The following DIS3L2 variants were observed in gnomAD, a reference collection of about 807,000 sequenced individuals.
The protein encoded by DIS3L2 is DIS3-like exonuclease 2.
DIS3L2 carries 34 observed loss-of-function variants against 97.5 expected under a neutral mutation model. That is an observed-to-expected ratio of 0.35 (90% confidence interval 0.27 to 0.46). The LOEUF (loss-of-function observed/expected upper bound fraction) is 0.46, where lower values mean the gene tolerates loss of function less well. DIS3L2 is among the 20% of genes least tolerant of loss of function. DIS3L2 has a pLI of 1.00. For missense variants in DIS3L2, 1,038 were observed against 1,146.0 expected (o/e 0.91, Z 1.36); for synonymous variants, 435 against 445.2 (o/e 0.98, Z 0.29).
intron 17 of DIS3L2, 96 bp from the exon 18 acceptor site, chr2:232,334,273 G>T: frequency 6.9e-7 from 1 of 1,447,934 alleles, no homozygotes; most frequent in African/African-American, 1.4e-5. Flanking sequence ...GTCCTAATCT[G>T]TCGGCGGGGG....
chr2:232,164,969 T>C (rs1690762178), intron 9 of DIS3L2, among the ~76,000 whole-genome samples: 1 of 152,230 alleles, frequency 6.6e-6, no homozygotes, highest in South Asian at 2.1e-4. Flanking sequence ...AATGCTAGAA[T>C]AAATGGTTGA....
chr2:232,073,828 C>T (rs930648114), intron 5 of DIS3L2, among the ~76,000 whole-genome samples: 2 of 152,098 alleles, frequency 1.3e-5, no homozygotes, highest in Non-Finnish European at 2.9e-5. Context: ...TTGAAGTGAC[C>T]AGTTTCTTCT....
chr2:232,077,994 TTTCTTTCTTTC>T (rs1696260546), intron 5 of DIS3L2, among the ~76,000 whole-genome samples: 3 of 142,146 alleles, frequency 2.1e-5, no homozygotes, highest in Non-Finnish European at 3.0e-5. Flanking sequence ...TCTTTCTTTC[TTTCTTTCTTTC>T]TTTCTTTCTT....
At chr2:232,103,857 A>G (rs969919110) in intron 6 of DIS3L2, among the ~76,000 whole-genome samples, 13 of 152,150 alleles carry the variant, frequency 8.5e-5, no homozygotes, top group Non-Finnish European at 1.8e-4. Context: ...TTTTCTTTGC[A>G]TGTATTTTGA....
chr2:232,002,108 C>T (rs1159538860), intron 1 of DIS3L2, among the ~76,000 whole-genome samples: 2 of 152,106 alleles, frequency 1.3e-5, no homozygotes, highest in Admixed American at 6.6e-5. Flanking sequence ...CCGGTTCTCT[C>T]GGTACCATTT....
chr2:232,201,987 T>G (rs1423664757), intron 9 of DIS3L2, among the ~76,000 whole-genome samples: 1 of 152,270 alleles, frequency 6.6e-6, no homozygotes, highest in Admixed American at 6.5e-5. Flanking sequence ...GGGAAGAAAA[T>G]GAATTTGAAC....
At chr2:232,025,657 G>C (rs1054003567) in intron 4 of DIS3L2, among the ~76,000 whole-genome samples, 2 of 152,172 alleles carry the variant, frequency 1.3e-5, no homozygotes, top group African/African-American at 4.8e-5. Context: ...TGCACGAACA[G>C]TTCTCACATG....
At chr2:232,079,628 AAAG>A (rs1559604562) in intron 5 of DIS3L2, among the ~76,000 whole-genome samples, 21 of 141,124 alleles carry the variant, frequency 1.5e-4, no homozygotes, top group African/African-American at 5.3e-4. Flanking sequence ...AAAAAAAAGT[AAAG>A]AAAAGAAAGT....
chr2:232,293,678 G>A lies in DIS3L2; in HGVS notation c.1660-6362G>A, dbSNP rs535119564. Among the ~76,000 whole-genome samples the A allele has an allele frequency of 4.5e-4, 68 of 152,276 alleles. No individual in the cohort carries two copies. The South Asian group carries it at 0.014, about 31-fold the overall frequency. On this transcript the variant is annotated intron_variant, in intron 13 of 20. Coordinates refer to ENST00000325385, the MANE Select transcript of DIS3L2 (RefSeq NM_152383.5). This position sits in a 1 kb window ranked among gnomAD's most constrained non-coding sequence, Gnocchi z 4.6. Reference sequence around the variant, plus strand: ...GCCTCCCTGGCTGGCACACCCTCCCGAGCACAGGCCCACCTCTTTCCATTG... The same window carrying A: ...GCCTCCCTGGCTGGCACACCCTCCCAAGCACAGGCCCACCTCTTTCCATTG...
chr2:232,270,103 A>T (rs987473860), intron 13 of DIS3L2, among the ~76,000 whole-genome samples: 20 of 152,280 alleles, frequency 1.3e-4, no homozygotes, highest in African/African-American at 4.3e-4. Flanking sequence ...GTTTAGGCAC[A>T]TGGTAGTACC....
rs191662777 is a variant in DIS3L2 at position 232,263,306 on chromosome 2, C to G, written c.1525C>G (p.Pro509Ala). Residue 509 changes from proline to alanine, a missense_variant, in exon 13 of 21, where the codon CCT (proline) becomes GCT (alanine). Around this residue, in one of 3 missense-constraint regions of DIS3L2, gnomAD observed 813 missense variants for 880.1 expected, o/e 0.92. Coordinates refer to ENST00000325385, the MANE Select transcript of DIS3L2 (RefSeq NM_152383.5). Reference protein sequence around the residue: ...SMIESPTEKIPAKELPPISPE... With the variant: ...SMIESPTEKIAAKELPPISPE... ...GATTGAAAGCCCAACTGAGAAAATC[C>G]CTGCGAAAGAGCTGCCCCCCATTTC... 1 of 1,614,012 alleles carries G rather than the reference C, an allele frequency of 6.2e-7. No homozygotes were observed. Among genetic ancestry groups the G allele is most frequent in the South Asian group, 1.1e-5 (1 of 91,076 alleles).
At chr2:232,128,352 C>T (rs1432116804) in intron 6 of DIS3L2, among the ~76,000 whole-genome samples, 1 of 151,200 alleles carries the variant, frequency 6.6e-6, no homozygotes, top group East Asian at 1.9e-4. Flanking sequence ...ATCTTCAGTG[C>T]ATTAATGTGT....
At chr2:231,969,191 A>G (rs1272270762) in intron 1 of DIS3L2, among the ~76,000 whole-genome samples, 2 of 151,858 alleles carry the variant, frequency 1.3e-5, no homozygotes, top group African/African-American at 4.8e-5. Flanking sequence ...TATTAAAATT[A>G]TATTTTTAAA....
chr2:232,263,917 A>G (rs544453870), intron 13 of DIS3L2, among the ~76,000 whole-genome samples: 1 of 152,362 alleles, frequency 6.6e-6, no homozygotes, highest in Admixed American at 6.5e-5. Flanking sequence ...AAAAAGAGTT[A>G]TTTGTTTACA....
chr2:232,288,332 G>A (rs1207499788), intron 13 of DIS3L2, among the ~76,000 whole-genome samples: 2 of 152,236 alleles, frequency 1.3e-5, no homozygotes, highest in Admixed American at 1.3e-4. Flanking sequence ...GAAGATGTGA[G>A]CACTGGCTCT....
chr2:232,231,755 A>AT (rs1293022846), intron 10 of DIS3L2, among the ~76,000 whole-genome samples: 1 of 152,086 alleles, frequency 6.6e-6, no homozygotes, highest in Non-Finnish European at 1.5e-5. Context: ...CCTGCCCTGT[A>AT]TTTTTTGTTA....
intron 6 of DIS3L2, among the ~76,000 whole-genome samples, chr2:232,091,685 T>G (rs1271875343): frequency 6.6e-6 from 1 of 152,192 alleles, no homozygotes; most frequent in African/African-American, 2.4e-5. Context: ...GTGGGATTGC[T>G]GGTATGGTAG....
intron 5 of DIS3L2, among the ~76,000 whole-genome samples, chr2:232,066,224 G>A (rs1461245810): frequency 6.6e-6 from 1 of 151,880 alleles, no homozygotes; most frequent in African/African-American, 2.4e-5. Flanking sequence ...TTGATCTTAT[G>A]AGGAAAGCCC....
chr2:232,327,449 CG>C (rs1695610181), intron 14 of DIS3L2, among the ~76,000 whole-genome samples: 1 of 152,236 alleles, frequency 6.6e-6, no homozygotes, highest in Non-Finnish European at 1.5e-5. Flanking sequence ...AGTCCAGAAC[CG>C]TGCCTGGCAC....
Sources: gnomAD v4.1 joint callset for allele counts (sites outside exome capture counted in the v4.1 genomes callset) on GRCh38, gnomAD v4.1.1 for gene constraint, gnomAD v4.1.1 regional missense constraint, Gnocchi (gnomAD v3.1) non-coding constraint, MANE v1.5 for transcripts, NCBI Gene and HGNC (gene_info 2026-07-23, HGNC 2026-07-21) for gene names.